The following SERTM2 variants were observed in gnomAD, a reference collection of about 807,000 sequenced individuals.
SERTM2 encodes serine-rich and transmembrane domain-containing protein 2.
chrX:111,518,868 C>T lies in SERTM2; in HGVS notation c.11C>T (p.Ala4Val), dbSNP rs1445985439. The change falls in exon 3 of 3, where the codon GCG becomes GTG. Residue 4 changes from alanine (A) to valine (V), a missense_variant. Transcript: ENST00000569275. ...CTCAAGTCTTGAGTGATGATGGAGG[C>T]GCATTTTAAATACCATGGAAATCTC... MME[A>V]HFKYHGNLTG... The T allele has an allele frequency of 3.4e-6, 1 of 297,282 alleles. No homozygotes were observed. 24.5% of individuals were successfully genotyped at this position (297,282 alleles called of 1,213,427 possible). A position where few individuals can be genotyped will look rare whatever the true frequency, so the allele number is the denominator to read the frequency against.
chrX:111,511,958 T>C (rs775452076), intron 1 of SERTM2, 40 bp from the exon 2 acceptor site: 6 of 294,453 alleles, frequency 2.0e-5, no homozygotes, highest in Admixed American at 6.2e-5. Flanking sequence ...AACATAGTCC[T>C]GCTTCTTTGG....
rs1249101743 is a variant in SERTM2 at position 111,521,914 on chromosome X, A to G, written c.*2784A>G. 8.9e-6 allele frequency: 1 copy of G among 112,131 alleles called. No homozygotes were observed. The highest frequency in any genetic ancestry group is 9.5e-5 in the Admixed American group (1 of 10,537). The allele number at this position is 112,131 out of a possible 1,213,427, so 9.2% of individuals were successfully genotyped here. On this transcript the variant is annotated 3_prime_UTR_variant, in exon 3 of 3. Transcript: ENST00000569275. ...AATTCTCCTAATATGTTTAAAAAGAATCCAATTTTTTAAAATATATTTTGC... is the reference window on the plus strand; with the variant it reads ...AATTCTCCTAATATGTTTAAAAAGAGTCCAATTTTTTAAAATATATTTTGC...
chrX:111,518,452 T>C lies in SERTM2; in HGVS notation c.-406T>C, dbSNP rs150015597. The C allele has an allele frequency of 3.6e-3, 439 of 123,553 alleles. No homozygotes were observed. Among genetic ancestry groups the C allele is most frequent in the African/African-American group, 0.013 (402 of 31,502 alleles). 10.2% of individuals were successfully genotyped at this position (123,553 alleles called of 1,213,427 possible). A position where few individuals can be genotyped will look rare whatever the true frequency, so the allele number is the denominator to read the frequency against. The stretch of plus-strand genomic sequence containing the variant: ...ATTAGGTATAGGCAAAACGAGCCTT[T>C]TCTCCATCTACGAAAACAGAGCAAA... On this transcript the variant is annotated 5_prime_UTR_variant, in exon 3 of 3. Coordinates refer to ENST00000569275, the MANE Select transcript of SERTM2 (RefSeq NM_001354473.2).
intron 2 of SERTM2, among the ~76,000 whole-genome samples, chrX:111,512,803 T>C (rs762417159): frequency 9.0e-6 from 1 of 111,725 alleles, no homozygotes; most frequent in South Asian, 3.7e-4. Context: ...AAATTCATGA[T>C]CTAGGAGTGT....
At position 111,519,189 on chromosome X, in the gene SERTM2, G is replaced by A; in HGVS notation, c.*59G>A. The A allele has an allele frequency of 6.7e-6, 2 of 296,490 alleles. No individual in the cohort carries two copies. Among genetic ancestry groups the A allele is most frequent in the Non-Finnish European group, 1.2e-5 (2 of 169,616 alleles). 24.4% of individuals were successfully genotyped at this position (296,490 alleles called of 1,213,427 possible). On this transcript the variant is annotated 3_prime_UTR_variant, in exon 3 of 3. Transcript: ENST00000569275. Reference sequence around the variant, plus strand: ...GTAAACCCTTATATATGGATGTCCAGGAGAGCTTGCTTTCTTGCATGAAGC... The same window carrying A: ...GTAAACCCTTATATATGGATGTCCAAGAGAGCTTGCTTTCTTGCATGAAGC...
chrX:111,518,922 C>G lies in SERTM2; in HGVS notation c.65C>G (p.Ala22Gly), dbSNP rs190658961. 3.4e-6 allele frequency: 1 copy of G among 296,101 alleles called. No individual in the cohort carries two copies. Among genetic ancestry groups the G allele is most frequent in the African/African-American group, 2.7e-5 (1 of 36,549 alleles). 24.4% of individuals were successfully genotyped at this position (296,101 alleles called of 1,213,427 possible). Residue 22 changes from alanine (A) to glycine (G), a missense_variant, in exon 3 of 3, where the codon GCA becomes GGA. By Grantham distance (60) the Ala-to-Gly change is moderately conservative (BLOSUM62 0). Coordinates refer to ENST00000569275, the MANE Select transcript of SERTM2 (RefSeq NM_001354473.2). ...LTGRAHFPTL[A>G]TEVDTSSDKY... ...GGGCGTGCCCATTTTCCCACTCTGG[C>G]AACAGAGGTTGATACCTCTTCAGAC...
chrX:111,512,433 C>T (rs1192584046), intron 2 of SERTM2, among the ~76,000 whole-genome samples: 1 of 111,794 alleles, frequency 8.9e-6, no homozygotes, highest in African/African-American at 3.2e-5. Context: ...GAAGGTTTTC[C>T]TTAACTACTT....
intron 2 of SERTM2, among the ~76,000 whole-genome samples, chrX:111,515,467 G>A (rs993204862): frequency 4.5e-5 from 5 of 111,184 alleles, no homozygotes; most frequent in Non-Finnish European, 9.4e-5. Flanking sequence ...TGAAGCAATT[G>A]AGCTGTGTGG....
chrX:111,516,632 ATCTC>A (rs762410119), intron 2 of SERTM2, among the ~76,000 whole-genome samples: 2 of 107,611 alleles, frequency 1.9e-5, no homozygotes, highest in Non-Finnish European at 3.8e-5. Context: ...GATATTATAT[ATCTC>A]TCTCTCTCTC....
rs1930362497 is a variant in SERTM2, at chrX:111,518,808, A to C, written c.-50A>C. 3 of 295,419 alleles carry C rather than the reference A, an allele frequency of 1.0e-5. No homozygotes were observed. The highest frequency in any genetic ancestry group is 6.2e-5 in the Admixed American group (1 of 16,112). The allele number at this position is 295,419 out of a possible 1,213,427, so 24.3% of individuals were successfully genotyped here. On this transcript the variant is annotated 5_prime_UTR_variant, in exon 3 of 3. Transcript: ENST00000569275. Reference sequence around the variant, plus strand: ...AGTCTAAGTGACTGTGAAATGCCTCAAGGGCAGTAGAAATCAAATAGAAAC... The same window carrying C: ...AGTCTAAGTGACTGTGAAATGCCTCCAGGGCAGTAGAAATCAAATAGAAAC...
rs4289995 is a variant in SERTM2 at position 111,520,791 on chromosome X, T to C, written c.*1661T>C. Reference sequence around the variant, plus strand: ...TCAGAGATGGGAGCTGCACTCTGCATCATTCAAAACAAATTAGCAGATAGG... The same window carrying C: ...TCAGAGATGGGAGCTGCACTCTGCACCATTCAAAACAAATTAGCAGATAGG... On this transcript the variant is annotated 3_prime_UTR_variant, in exon 3 of 3. Coordinates refer to ENST00000569275, the MANE Select transcript of SERTM2 (RefSeq NM_001354473.2). 0.19 allele frequency: 21,231 copies of C among 111,986 alleles called. 4,787 individuals are homozygous for C. Among genetic ancestry groups the C allele is most frequent in the African/African-American group, 0.65 (19,697 of 30,480 alleles). The allele number at this position is 111,986 out of a possible 1,213,427, so 9.2% of individuals were successfully genotyped here. A position where few individuals can be genotyped will look rare whatever the true frequency, so the allele number is the denominator to read the frequency against.
rs1930408195 is a variant in SERTM2, at chrX:111,521,385, AG to A, written c.*2256del. 4 of 111,495 alleles carry A rather than the reference AG, an allele frequency of 3.6e-5. No homozygotes were observed. The highest frequency in any genetic ancestry group is 9.8e-5 in the African/African-American group (3 of 30,620). 9.2% of individuals were successfully genotyped at this position (111,495 alleles called of 1,213,427 possible). A position where few individuals can be genotyped will look rare whatever the true frequency, so the allele number is the denominator to read the frequency against. Reference sequence around the variant, plus strand: ...CACACAGCACAGATTACACCAAAATAGCAGCATAACACCCCCCACCCAATTT... The same window carrying A: ...CACACAGCACAGATTACACCAAAATACAGCATAACACCCCCCACCCAATTT... On this transcript the variant is annotated 3_prime_UTR_variant, in exon 3 of 3. Coordinates refer to ENST00000569275, the MANE Select transcript of SERTM2 (RefSeq NM_001354473.2).
chrX:111,522,310 T>C lies in SERTM2; in HGVS notation c.*3180T>C, dbSNP rs1414909883. 1 of 112,023 alleles carries C rather than the reference T, an allele frequency of 8.9e-6. No homozygotes were observed. Among genetic ancestry groups the C allele is most frequent in the Non-Finnish European group, 1.9e-5 (1 of 53,285 alleles). The allele number at this position is 112,023 out of a possible 1,213,427, so 9.2% of individuals were successfully genotyped here. ...ATTATTAATGTTTGAAATAGATTCATATTGTATAAAAATGGAAATATATTT... is the reference window on the plus strand; with the variant it reads ...ATTATTAATGTTTGAAATAGATTCACATTGTATAAAAATGGAAATATATTT... On this transcript the variant is annotated 3_prime_UTR_variant, in exon 3 of 3. Transcript: ENST00000569275.
rs1930412574 is a variant in SERTM2 at position 111,521,636 on chromosome X, T to C, written c.*2506T>C. ...GGCACAATTTGAATTTATCCTTCTA[T>C]TCGAAATGCTGACTTGGATTGCCTT... On this transcript the variant is annotated 3_prime_UTR_variant, in exon 3 of 3. Coordinates refer to ENST00000569275, the MANE Select transcript of SERTM2 (RefSeq NM_001354473.2). 2 of 111,103 alleles carry C rather than the reference T, an allele frequency of 1.8e-5. No individual in the cohort carries two copies. Among genetic ancestry groups the C allele is most frequent in the Admixed American group, 1.9e-4 (2 of 10,353 alleles). 9.2% of individuals were successfully genotyped at this position (111,103 alleles called of 1,213,427 possible). A position where few individuals can be genotyped will look rare whatever the true frequency, so the allele number is the denominator to read the frequency against.
At chrX:111,512,771 T>A (rs988570371) in intron 2 of SERTM2, among the ~76,000 whole-genome samples, 3 of 111,613 alleles carry the variant, frequency 2.7e-5, no homozygotes, top group Non-Finnish European at 5.7e-5. Flanking sequence ...AGAAAGTTAT[T>A]CCCTTATCAT....
chrX:111,521,978 A>G lies in SERTM2; in HGVS notation c.*2848A>G, dbSNP rs1022308084. On this transcript the variant is annotated 3_prime_UTR_variant, in exon 3 of 3. Coordinates refer to ENST00000569275, the MANE Select transcript of SERTM2 (RefSeq NM_001354473.2). ...TCATGGGTTGTACAAAATGAAGTAT[A>G]TTGTAAAAGGCTTATGTATTATGTA... The G allele has an allele frequency of 8.9e-6, 1 of 111,762 alleles. No individual in the cohort carries two copies. The highest frequency in any genetic ancestry group is 3.2e-5 in the African/African-American group (1 of 30,773). 9.2% of individuals were successfully genotyped at this position (111,762 alleles called of 1,213,427 possible). A position where few individuals can be genotyped will look rare whatever the true frequency, so the allele number is the denominator to read the frequency against.
At chrX:111,514,987 G>A (rs763307420) in intron 2 of SERTM2, among the ~76,000 whole-genome samples, 17 of 110,447 alleles carry the variant, frequency 1.5e-4, no homozygotes, top group Non-Finnish European at 2.5e-4. Context: ...TAGGTAAGAG[G>A]ATGAGATGGG....
chrX:111,512,095 G>T lies in SERTM2; in HGVS notation c.-784+1G>T. 1 of 295,479 alleles carries T rather than the reference G, an allele frequency of 3.4e-6. No individual in the cohort carries two copies. The highest frequency in any genetic ancestry group is 5.9e-6 in the Non-Finnish European group (1 of 168,832). 24.4% of individuals were successfully genotyped at this position (295,479 alleles called of 1,213,427 possible). A position where few individuals can be genotyped will look rare whatever the true frequency, so the allele number is the denominator to read the frequency against. On this transcript the variant is annotated splice_donor_variant, in intron 2 of 2. Transcript: ENST00000569275. LOFTEE classifies it low-confidence loss of function (5UTR_SPLICE). ...CTATTCATACTGTGGGCCAGGAGAG[G>T]TAAGAAATATTTGGAAATATTACGA...
In SERTM2 at chrX:111,518,901, G is replaced by A. The variant is rs756586933; in HGVS notation, c.44G>A (p.Arg15His). ...AAATACCATGGAAATCTCACTGGGC[G>A]TGCCCATTTTCCCACTCTGGCAACA... ...HFKYHGNLTGRAHFPTLATEV... is the reference protein window; with the variant it reads ...HFKYHGNLTGHAHFPTLATEV... The change falls in exon 3 of 3, where the codon CGT (arginine) becomes CAT (histidine). Residue 15 changes from arginine (R) to histidine (H), a missense_variant. Transcript: ENST00000569275. 45 of 295,954 alleles carry A rather than the reference G, an allele frequency of 1.5e-4. No individual in the cohort carries two copies. Among genetic ancestry groups the A allele is most frequent in the Non-Finnish European group, 2.4e-4 (41 of 169,867 alleles). The allele number at this position is 295,954 out of a possible 1,213,427, so 24.4% of individuals were successfully genotyped here.
Sources: allele counts gnomAD v4.1 joint callset (sites outside exome capture counted in the v4.1 genomes callset), GRCh38; gene constraint gnomAD v4.1.1; transcripts MANE v1.5; gene names NCBI Gene and HGNC (gene_info 2026-07-23, HGNC 2026-07-21).